The following SGSM3 variants were observed in gnomAD, a reference collection of about 807,000 sequenced individuals.
SGSM3 encodes the protein RUN and SH3 containing 3.
In SGSM3, 96 loss-of-function variants were observed where a neutral mutation model predicts 100.5. The observed-to-expected ratio is 0.96, with a 90% CI of 0.81 to 1.13. SGSM3 has a LOEUF of 1.13. Among genes scored for constraint, SGSM3 ranks in the 50% most tolerant of loss-of-function variants. The pLI is 0.00. For synonymous variants in SGSM3, 483 were observed against 422.8 expected, an observed-to-expected ratio of 1.14 and a Z score of -1.75; for missense variants, 1,001 against 1,015.8, an observed-to-expected ratio of 0.99 and a Z score of 0.20.
In SGSM3 at chr22:40,402,220, C is replaced by G. The variant is rs767518786; in HGVS notation, c.157+15C>G. On this transcript the variant is annotated intron_variant, in intron 4 of 21. Transcript: ENST00000248929. ...GTACAAGGAAGGTAAACTTGAGCCC[C>G]TTTTGTGTGTCATCTTGCTGATGTT... is the stretch of plus-strand genomic sequence containing the variant. The G allele has an allele frequency of 4.4e-6, 7 of 1,604,036 alleles. No individual in the cohort carries two copies. The highest frequency in any genetic ancestry group is 6.0e-6 in the Non-Finnish European group (7 of 1,170,756).
At chr22:40,382,661 G>A (rs1224622251) in intron 1 of SGSM3, among the ~76,000 whole-genome samples, 4 of 152,176 alleles carry the variant, frequency 2.6e-5, no homozygotes, top group Admixed American at 1.3e-4. Context: ...CTGGGTTCAC[G>A]GGGAGTGGAT....
rs1208753173 is a variant in SGSM3 at position 40,404,762 on chromosome 22, G to A, written c.474+98G>A. ...GGTTCTTAGAGTGTGCCCTTGTTGT[G>A]GGGTAGGGGAGGATATTTGCTCCTT... is the stretch of plus-strand genomic sequence containing the variant. On this transcript the variant is annotated intron_variant, in intron 6 of 21. Transcript: ENST00000248929. The A allele has an allele frequency of 6.5e-5, 55 of 842,044 alleles. 1 individual carries two copies. The highest frequency in any genetic ancestry group is 3.7e-4 in the Admixed American group (17 of 45,800). The allele number at this position is 842,044 out of a possible 1,614,324, so 52.2% of individuals were successfully genotyped here.
intron 15 of SGSM3, 73 bp from the exon 16 acceptor site, chr22:40,408,204 G>A: frequency 1.9e-6 from 3 of 1,607,064 alleles, no homozygotes; most frequent in Non-Finnish European, 2.6e-6. Context: ...CTGTAGCATG[G>A]CAGAGAGGAC....
At chr22:40,378,993 T>C (rs775995666) in intron 1 of SGSM3, among the ~76,000 whole-genome samples, 2 of 152,214 alleles carry the variant, frequency 1.3e-5, no homozygotes, top group Non-Finnish European at 2.9e-5. Context: ...AGGTGTTTGC[T>C]CAGATTTTTC....
At chr22:40,389,916 G>GA (rs34606137) in intron 1 of SGSM3, among the ~76,000 whole-genome samples, 3,629 of 104,906 alleles carry the variant, frequency 0.035, 94 homozygotes, top group African/African-American at 0.1. Flanking sequence ...AAAAAAAAAA[G>GA]AAAAAAAAAA....
Position 40,401,640 on chromosome 22 carries a change from A to G in SGSM3, c.55A>G (p.Ile19Val). 6.2e-7 allele frequency: 1 copy of G among 1,613,456 alleles called. No homozygotes were observed. The part of the protein sequence containing the change: ...CGPFSALTPS[I>V]WPQEILAKYT... ...CCCTTTCTCAGCCCTGACTCCGAGC[A>G]TATGGCCCCAGGAGATCTTGGCCAA... The change falls in exon 3 of 22, where the codon ATA becomes GTA. Residue 19 changes from isoleucine (I) to valine (V), a missense_variant. Ile to Val is a conservative substitution (Grantham distance 29). Transcript: ENST00000248929.
intron 15 of SGSM3, 40 bp downstream of exon 15, chr22:40,408,160 C>A (rs55950918): frequency 3.7e-6 from 6 of 1,609,950 alleles, no homozygotes; most frequent in Non-Finnish European, 5.1e-6. Context: ...TGGCACCCTT[C>A]TAGCCAGGGC....
chr22:40,390,086 C>T (rs928945192), intron 1 of SGSM3: 2 of 152,070 alleles, frequency 1.3e-5, no homozygotes, highest in East Asian at 3.8e-4. Flanking sequence ...AACAAGTCAT[C>T]TAGGGAAAAA....
intron 1 of SGSM3, among the ~76,000 whole-genome samples, chr22:40,387,776 G>C (rs2294348): frequency 0.33 from 49,489 of 152,004 alleles, 10,567 homozygotes; most frequent in African/African-American, 0.58. Flanking sequence ...AGGAATGATC[G>C]AGGGAGGGAC....
chr22:40,372,890 T>A (rs1392306309), intron 1 of SGSM3: 1 of 152,246 alleles, frequency 6.6e-6, no homozygotes, highest in Non-Finnish European at 1.5e-5. Flanking sequence ...CCAGATAGCC[T>A]GTTATTCAGC....
Position 40,404,696 on chromosome 22 carries a change from G to A in SGSM3, c.474+32G>A, listed in dbSNP as rs2051210010. On this transcript the variant is annotated intron_variant, in intron 6 of 21. Transcript: ENST00000248929. ...CCGGTGGCACTGTGCAGGAAGAGCT[G>A]GAGGCTGTGTGGGCTCGCAGGAGAG... 9 of 1,517,808 alleles carry A rather than the reference G, an allele frequency of 5.9e-6. No homozygotes were observed. The East Asian group carries it at 2.1e-4, about 35-fold the overall frequency. The allele number at this position is 1,517,808 out of a possible 1,614,324, so 94.0% of individuals were successfully genotyped here.
rs1025786787 is a variant in SGSM3, at chr22:40,407,536, G to T, written c.1492G>T (p.Glu498Ter). 1.2e-6 allele frequency: 2 copies of T among 1,605,832 alleles called. No individual in the cohort carries two copies. Among genetic ancestry groups the T allele is most frequent in the African/African-American group, 1.3e-5 (1 of 74,942 alleles). ...LLDFERHDDDELGFRKNDIIT... is the reference protein window; with the variant it reads ...LLDFERHDDD ...GGACTTTGAGCGGCACGACGACGAC[G>T]AGCTGGGCTTCCGCAAGAACGACAT... Residue 498 changes from glutamate (E) to a stop codon, truncating the protein, a stop_gained, in exon 13 of 22, where the codon GAG (glutamate) becomes TAG (stop). Coordinates refer to ENST00000248929, the MANE Select transcript of SGSM3 (RefSeq NM_015705.6). LOFTEE classifies it high-confidence loss of function. The surrounding 1 kb of genome is among the most constrained non-coding windows in gnomAD (Gnocchi z 4.7).
At position 40,406,185 on chromosome 22, in the gene SGSM3, G is replaced by A. The variant is rs201332923; in HGVS notation, c.922G>A (p.Val308Met). 5.8e-5 allele frequency: 93 copies of A among 1,614,134 alleles called. No homozygotes were observed. In the African/African-American group the frequency reaches 1.2e-3, roughly 21 times the overall value. Residue 308 changes from valine (V) to methionine (M), a missense_variant, in exon 9 of 22, where the codon GTG becomes ATG. Coordinates refer to ENST00000248929, the MANE Select transcript of SGSM3 (RefSeq NM_015705.6). The part of the protein sequence containing the change: ...WDLFFYEGSR[V>M]LFQLTLGMLH... ...CCTGTTTTTCTACGAGGGCTCCCGG[G>A]TGCTGTTCCAGCTCACGCTGGGCAT...
chr22:40,392,983 G>C (rs2049552262), intron 1 of SGSM3, among the ~76,000 whole-genome samples: 1 of 152,154 alleles, frequency 6.6e-6, no homozygotes, highest in Non-Finnish European at 1.5e-5. Flanking sequence ...ATATTTTCAA[G>C]GTTCATTCAT....
In SGSM3 at chr22:40,409,860, CCGCGGG is replaced by C. The variant is rs938096828; in HGVS notation, c.*102_*107del. The C allele has an allele frequency of 7.8e-5, 116 of 1,485,536 alleles. No individual in the cohort carries two copies. The African/African-American group carries it at 1.4e-3, about 18-fold the overall frequency. The allele number at this position is 1,485,536 out of a possible 1,614,324, so 92.0% of individuals were successfully genotyped here. On this transcript the variant is annotated 3_prime_UTR_variant, in exon 22 of 22. Transcript: ENST00000248929. Reference sequence around the variant, plus strand: ...AGCAGCTCCAGAGCCCTGGCCGGGGCCGCGGGATATCAATATCAGGCTGCCCCACTC... The same window carrying C: ...AGCAGCTCCAGAGCCCTGGCCGGGGCATATCAATATCAGGCTGCCCCACTC...
At chr22:40,403,100 C>G (rs752490476) in intron 4 of SGSM3, among the ~76,000 whole-genome samples, 2 of 152,234 alleles carry the variant, frequency 1.3e-5, no homozygotes, top group South Asian at 4.1e-4. Flanking sequence ...TTGGCTGGGT[C>G]AGTGGAGTCA....
rs748363421 is a variant in SGSM3 at position 40,405,840 on chromosome 22, C to G, written c.810C>G (p.Asp270Glu). The G allele has an allele frequency of 8.7e-6, 14 of 1,608,104 alleles. No individual in the cohort carries two copies. Among genetic ancestry groups the G allele is most frequent in the Non-Finnish European group, 1.2e-5 (14 of 1,176,272 alleles). The change falls in exon 8 of 22, where the codon GAC (aspartate) becomes GAG (glutamate). Residue 270 changes from aspartate (D) to glutamate (E), a missense_variant. By Grantham distance (45) the Asp-to-Glu change is conservative. Transcript: ENST00000248929. ...TGGACAAGCTGCTCCAGGAGCATGA[C>G]ATTGGTAAGGCGCCCCTGAGCCACT... ...PRLDKLLQEH[D>E]IELSLITLHW...
intron 1 of SGSM3, among the ~76,000 whole-genome samples, chr22:40,397,435 C>T (rs935290164): frequency 6.6e-6 from 1 of 152,086 alleles, no homozygotes; most frequent in Non-Finnish European, 1.5e-5. Flanking sequence ...TATCCATAAT[C>T]TGACCATTTC....
At chr22:40,384,685 C>T (rs538735320) in intron 1 of SGSM3, among the ~76,000 whole-genome samples, 4 of 152,106 alleles carry the variant, frequency 2.6e-5, no homozygotes, top group Admixed American at 1.3e-4. Flanking sequence ...GAGGCTAAGG[C>T]GGGAGAATGG....
Sources: allele counts gnomAD v4.1 joint callset (sites outside exome capture counted in the v4.1 genomes callset), GRCh38; gene constraint gnomAD v4.1.1; non-coding constraint Gnocchi (gnomAD v3.1); transcripts MANE v1.5; gene names NCBI Gene and HGNC (gene_info 2026-07-23, HGNC 2026-07-21).